Variants in KCNIP4 observed in about 807,000 individuals in gnomAD.
The protein encoded by KCNIP4 is potassium voltage-gated channel interacting protein 4.
A neutral mutation model predicts 34.0 loss-of-function variants in KCNIP4; 12 were observed. The observed-to-expected ratio is 0.35, with a 90% CI of 0.23 to 0.57. The LOEUF (loss-of-function observed/expected upper bound fraction) is 0.57. KCNIP4 is among the 20% of genes least tolerant of loss of function. The probability of loss-of-function intolerance (pLI) is 0.83; values close to 1 mark genes in which losing one functional copy is unlikely to be tolerated. For synonymous variants in KCNIP4, 124 were observed against 102.2 expected, an observed-to-expected ratio of 1.21 and a Z score of -1.29; for missense variants, 238 against 311.7, an observed-to-expected ratio of 0.76 and a Z score of 1.78.
chr4:21,377,797 G>A (rs547546401), intron 1 of KCNIP4, among the ~76,000 whole-genome samples: 20 of 152,242 alleles, frequency 1.3e-4, no homozygotes, highest in African/African-American at 4.6e-4. Context: ...AGTTCCTCTG[G>A]TCCTAACCAG....
In KCNIP4 at chr4:21,070,663, A is replaced by ATTTTTTT. The variant is rs1203011253; in HGVS notation, c.62-187961_62-187955dup. On this transcript the variant is annotated intron_variant, in intron 1 of 8. Coordinates refer to ENST00000382152, the MANE Select transcript of KCNIP4 (RefSeq NM_025221.6). ...TCTGTTTTTACTGTTGAGTTTTGAG[A>ATTTTTTT]TTTTTTTTTTTTTTTTTTTTTTTTT... Among the ~76,000 whole-genome samples the ATTTTTTT allele has an allele frequency of 2.0e-4, 10 of 49,616 alleles. 1 individual carries two copies. The highest frequency in any genetic ancestry group is 3.4e-4 in the Non-Finnish European group (9 of 26,796). The allele number at this position is 49,616 out of a possible 152,430, so 32.6% of individuals were successfully genotyped here. A position where few individuals can be genotyped will look rare whatever the true frequency, so the allele number is the denominator to read the frequency against.
chr4:21,234,185 GTATAT>G (rs1355558256), intron 1 of KCNIP4, among the ~76,000 whole-genome samples: 1 of 34,416 alleles, frequency 2.9e-5, no homozygotes, highest in Non-Finnish European at 4.5e-5. Flanking sequence ...CATATATAAC[GTATAT>G]TATATATAAC....
At chr4:21,784,815 C>A (rs1175829057) in intron 1 of KCNIP4, among the ~76,000 whole-genome samples, 1 of 152,156 alleles carries the variant, frequency 6.6e-6, no homozygotes, top group Non-Finnish European at 1.5e-5. Context: ...AATTTAGTTT[C>A]TTTCTACTCT....
intron 1 of KCNIP4, among the ~76,000 whole-genome samples, chr4:21,260,965 C>T (rs756716042): frequency 4.6e-5 from 7 of 152,118 alleles, no homozygotes; most frequent in Admixed American, 6.6e-5. Context: ...GGCAAGGAGA[C>T]GTTTTCTGAC....
chr4:21,681,970 C>A (rs184581451), intron 1 of KCNIP4, among the ~76,000 whole-genome samples: 23 of 151,998 alleles, frequency 1.5e-4, no homozygotes, highest in African/African-American at 5.3e-4. Context: ...CTCATCACAA[C>A]CTCTGCCTCT....
intron 1 of KCNIP4, among the ~76,000 whole-genome samples, chr4:20,950,901 C>T (rs1274724728): frequency 2.0e-5 from 3 of 152,062 alleles, no homozygotes; most frequent in Non-Finnish European, 4.4e-5. Flanking sequence ...TTTTAAAATA[C>T]GCTCTTTCAC....
chr4:21,440,462 T>C (rs1343641396), intron 1 of KCNIP4, among the ~76,000 whole-genome samples: 1 of 152,232 alleles, frequency 6.6e-6, no homozygotes, highest in Non-Finnish European at 1.5e-5. Flanking sequence ...ACTGTAATCA[T>C]TTTATTTGCC....
chr4:21,941,810 G>A (rs1002419391), intron 1 of KCNIP4, among the ~76,000 whole-genome samples: 3 of 152,174 alleles, frequency 2.0e-5, no homozygotes, highest in African/African-American at 7.2e-5. Flanking sequence ...GCCTTAACAT[G>A]AGCATGAAGG....
chr4:21,633,192 G>C (rs1394299484), intron 1 of KCNIP4, among the ~76,000 whole-genome samples: 1 of 152,150 alleles, frequency 6.6e-6, no homozygotes, highest in Non-Finnish European at 1.5e-5. Context: ...AGCTATGTAA[G>C]GCATCTATGT....
intron 1 of KCNIP4, among the ~76,000 whole-genome samples, chr4:20,945,227 A>T (rs1732069598): frequency 6.6e-6 from 1 of 152,182 alleles, no homozygotes; most frequent in Non-Finnish European, 1.5e-5. Flanking sequence ...ACAAGAATCC[A>T]GGTGACTTGT....
intron 1 of KCNIP4, among the ~76,000 whole-genome samples, chr4:21,868,886 CAGGTTGATAGCAAA>C (rs1342844630): frequency 6.6e-6 from 1 of 152,072 alleles, no homozygotes; most frequent in Non-Finnish European, 1.5e-5. Flanking sequence ...ATTTACACGA[CAGGTTGATAGCAAA>C]AGGTGTTTAT....
intron 1 of KCNIP4, among the ~76,000 whole-genome samples, chr4:21,721,893 G>T (rs569287423): frequency 2.0e-5 from 3 of 152,230 alleles, no homozygotes; most frequent in African/African-American, 7.2e-5. Context: ...CAAATTATAT[G>T]CTGTGTTCAT....
chr4:21,481,321 CACA>C (rs1577434902), intron 1 of KCNIP4, among the ~76,000 whole-genome samples: 2 of 152,088 alleles, frequency 1.3e-5, no homozygotes. Flanking sequence ...GTGAGTCCCT[CACA>C]ACATGAGAAC....
intron 1 of KCNIP4, among the ~76,000 whole-genome samples, chr4:21,701,485 A>G (rs1365831249): frequency 6.6e-6 from 1 of 152,148 alleles, no homozygotes; most frequent in African/African-American, 2.4e-5. Flanking sequence ...TGCAATAACC[A>G]TATATATCAA....
intron 1 of KCNIP4, among the ~76,000 whole-genome samples, chr4:21,223,876 C>G (rs1395376452): frequency 6.6e-6 from 1 of 151,956 alleles, no homozygotes; most frequent in African/African-American, 2.4e-5. Flanking sequence ...CCTTAGTCAT[C>G]TTTGTTCTGT....
At chr4:21,535,191 T>C (rs1737049686) in intron 1 of KCNIP4, among the ~76,000 whole-genome samples, 1 of 152,032 alleles carries the variant, frequency 6.6e-6, no homozygotes, top group African/African-American at 2.4e-5. Context: ...GCTGACCAAG[T>C]TCCATTCAGT....
chr4:20,971,915 G>T (rs1223611458), intron 1 of KCNIP4, among the ~76,000 whole-genome samples: 1 of 152,164 alleles, frequency 6.6e-6, no homozygotes, highest in Non-Finnish European at 1.5e-5. Flanking sequence ...ATAAGTTTAT[G>T]CAGTATTCTA....
intron 1 of KCNIP4, among the ~76,000 whole-genome samples, chr4:21,921,032 AT>A (rs1213299523): frequency 6.6e-6 from 1 of 151,908 alleles, no homozygotes; most frequent in African/African-American, 2.4e-5. Context: ...TTTACAAGAT[AT>A]TTTCCTTTAA....
In KCNIP4 at chr4:20,737,397, T is replaced by G. The variant is rs114600234; in HGVS notation, c.430-2662A>C. 7.8e-3 allele frequency among the ~76,000 whole-genome samples: 1,191 copies of G among 152,286 alleles called. 14 individuals are homozygous for G. The highest frequency in any genetic ancestry group is 0.027 in the African/African-American group (1,135 of 41,566). Reference sequence around the variant, plus strand: ...AGTAGGAGTGAAGAGTAATTTTTAATGAGGAGCACTTTGAATACTGAAGAG... The same window carrying G: ...AGTAGGAGTGAAGAGTAATTTTTAAGGAGGAGCACTTTGAATACTGAAGAG... On this transcript the variant is annotated intron_variant, in intron 5 of 8. Transcript: ENST00000382152.
Sources: gnomAD v4.1 joint callset for allele counts (sites outside exome capture counted in the v4.1 genomes callset) on GRCh38, gnomAD v4.1.1 for gene constraint, MANE v1.5 for transcripts, NCBI Gene and HGNC (gene_info 2026-07-23, HGNC 2026-07-21) for gene names.